ESRRB: variants seen among roughly 807,000 people sequenced by gnomAD.
The protein encoded by ESRRB is estrogen related receptor beta, also known as steroid hormone receptor ERR2.
ESRRB carries 16 observed loss-of-function variants against 46.0 expected under a neutral mutation model. The observed-to-expected ratio is 0.35, with a 90% CI of 0.24 to 0.53. ESRRB has a LOEUF of 0.53. ESRRB is among the 20% of genes least tolerant of loss of function. The pLI is 0.93. For missense variants in ESRRB, 488 were observed against 607.4 expected (o/e 0.80, Z 2.07); for synonymous variants, 246 against 259.6 (o/e 0.95, Z 0.50).
At chr14:76,401,528 C>T (rs1464647454) in intron 1 of ESRRB, among the ~76,000 whole-genome samples, 1 of 152,228 alleles carries the variant, frequency 6.6e-6, no homozygotes, top group African/African-American at 2.4e-5. Context: ...CACATAATGA[C>T]ATTTCAGTTA....
chr14:76,477,719 A>G (rs1390997588), intron 3 of ESRRB, among the ~76,000 whole-genome samples: 3 of 151,928 alleles, frequency 2.0e-5, no homozygotes, highest in African/African-American at 7.2e-5. Context: ...CAGTTTGTGC[A>G]TAATTAAACC....
intron 1 of ESRRB, among the ~76,000 whole-genome samples, chr14:76,330,344 A>G (rs987254381): frequency 6.6e-6 from 1 of 152,196 alleles, no homozygotes; most frequent in Non-Finnish European, 1.5e-5. Context: ...CGCCTGACAC[A>G]GTGGCAGAGG....
intron 1 of ESRRB, among the ~76,000 whole-genome samples, chr14:76,392,267 G>A (rs1457005892): frequency 6.6e-6 from 1 of 152,222 alleles, no homozygotes; most frequent in East Asian, 1.9e-4. Flanking sequence ...AGCCCTGGCA[G>A]GCAGGGGCAT....
chr14:76,400,266 G>A (rs1371188680), intron 1 of ESRRB, among the ~76,000 whole-genome samples: 1 of 152,158 alleles, frequency 6.6e-6, no homozygotes, highest in Non-Finnish European at 1.5e-5. Flanking sequence ...AGCCATTCTG[G>A]GAAAGGTAGA....
At chr14:76,348,919 G>T (rs1270846665) in intron 1 of ESRRB, among the ~76,000 whole-genome samples, 3 of 152,052 alleles carry the variant, frequency 2.0e-5, no homozygotes, top group Non-Finnish European at 4.4e-5. Flanking sequence ...GGCCTGTAGG[G>T]CATATAGCAT....
At chr14:76,492,309 A>T (rs1017786780) in intron 6 of ESRRB, among the ~76,000 whole-genome samples, 9 of 152,162 alleles carry the variant, frequency 5.9e-5, no homozygotes, top group African/African-American at 2.2e-4. Flanking sequence ...AACTACAGGC[A>T]TGTGCCATTA....
intron 1 of ESRRB, among the ~76,000 whole-genome samples, chr14:76,319,157 C>T (rs1566850020): frequency 6.6e-6 from 1 of 152,218 alleles, no homozygotes; most frequent in African/African-American, 2.4e-5. Context: ...CATGGCTTGT[C>T]TTTGCTGTCC....
chr14:76,346,534 A>C (rs1884252523), intron 1 of ESRRB, among the ~76,000 whole-genome samples: 1 of 152,220 alleles, frequency 6.6e-6, no homozygotes, highest in South Asian at 2.1e-4. Flanking sequence ...CCCTGGGGCT[A>C]GGCCTCAAGA....
intron 1 of ESRRB, among the ~76,000 whole-genome samples, chr14:76,429,508 T>G (rs1269664078): frequency 1.3e-5 from 2 of 152,056 alleles, no homozygotes; most frequent in Admixed American, 1.3e-4. Flanking sequence ...CCCAGCACTT[T>G]GGGAGGCCAA....
At chr14:76,440,295 A>C (rs1433387675) in intron 2 of ESRRB, among the ~76,000 whole-genome samples, 1 of 151,954 alleles carries the variant, frequency 6.6e-6, no homozygotes, top group Non-Finnish European at 1.5e-5. Context: ...GTAAGACCCC[A>C]TCATTATTAT....
intron 3 of ESRRB, among the ~76,000 whole-genome samples, chr14:76,476,032 A>G (rs894351015): frequency 1.3e-5 from 2 of 152,082 alleles, no homozygotes; most frequent in African/African-American, 4.8e-5. Context: ...TGACATTGAT[A>G]TGGTCAAGAT....
chr14:76,484,023 T>C (rs1194224029), intron 5 of ESRRB, among the ~76,000 whole-genome samples: 1 of 152,050 alleles, frequency 6.6e-6, no homozygotes, highest in African/African-American at 2.4e-5. Flanking sequence ...CCAGCTAATT[T>C]TTTTGTATTT....
intron 1 of ESRRB, among the ~76,000 whole-genome samples, chr14:76,334,719 C>T (rs928500695): frequency 2.0e-5 from 3 of 152,164 alleles, no homozygotes; most frequent in Non-Finnish European, 2.9e-5. Context: ...TGTGGCCCAG[C>T]CTCTGACCCT....
At chr14:76,337,806 C>T (rs1166956349) in intron 1 of ESRRB, among the ~76,000 whole-genome samples, 1 of 152,194 alleles carries the variant, frequency 6.6e-6, no homozygotes, top group African/African-American at 2.4e-5. Context: ...CTCCTTTGCC[C>T]AATCCTACTC....
At chr14:76,428,466 C>T (rs938762713) in intron 1 of ESRRB, among the ~76,000 whole-genome samples, 3 of 152,170 alleles carry the variant, frequency 2.0e-5, no homozygotes, top group Non-Finnish European at 2.9e-5. Context: ...ATGTCCTTCC[C>T]TCAAACACAC....
In ESRRB at chr14:76,498,641, G is replaced by A. The variant is rs1290373716; in HGVS notation, c.*183G>A. 4.3e-5 allele frequency: 51 copies of A among 1,192,180 alleles called. No homozygotes were observed. The highest frequency in any genetic ancestry group is 3.2e-4 in the Middle Eastern group (1 of 3,172). The allele number at this position is 1,192,180 out of a possible 1,614,324, so 73.9% of individuals were successfully genotyped here. A position where few individuals can be genotyped will look rare whatever the true frequency, so the allele number is the denominator to read the frequency against. Reference sequence around the variant, plus strand: ...TCCCGGGTGCAGTGGGGTGGGGGACGGGGATGGGGGGGCAGGGGTGTGGGG... The same window carrying A: ...TCCCGGGTGCAGTGGGGTGGGGGACAGGGATGGGGGGGCAGGGGTGTGGGG... On this transcript the variant is annotated 3_prime_UTR_variant, in exon 7 of 7. Coordinates refer to ENST00000644823, the MANE Select transcript of ESRRB (RefSeq NM_001379180.1).
chr14:76,326,449 T>C (rs974923965), intron 1 of ESRRB, among the ~76,000 whole-genome samples: 1 of 152,160 alleles, frequency 6.6e-6, no homozygotes, highest in Non-Finnish European at 1.5e-5. Flanking sequence ...GCACTTCAGT[T>C]TTCTTGTCTG....
rs547201841 is a variant in ESRRB, at chr14:76,462,079, C to G, written c.461-466C>G. On this transcript the variant is annotated intron_variant, in intron 2 of 6. Coordinates refer to ENST00000644823, the MANE Select transcript of ESRRB (RefSeq NM_001379180.1). The stretch of plus-strand genomic sequence containing the variant: ...GGCCCCTCCAGTGGGATGCAGAACC[C>G]GGGCCTTGATCCTGGTGGACGCAGA... 4.3e-4 allele frequency among the ~76,000 whole-genome samples: 65 copies of G among 152,294 alleles called. No individual in the cohort carries two copies. In the South Asian group the frequency reaches 7.0e-3, roughly 16 times the overall value.
In ESRRB at chr14:76,499,153, C is replaced by A; in HGVS notation, c.*695C>A. On this transcript the variant is annotated 3_prime_UTR_variant, in exon 7 of 7. Coordinates refer to ENST00000644823, the MANE Select transcript of ESRRB (RefSeq NM_001379180.1). Reference sequence around the variant, plus strand: ...CCTGTCCTCCTCCTCTTCTCCTCCCCCCGGGAGTCCCCCGCTACTTCCTGA... The same window carrying A: ...CCTGTCCTCCTCCTCTTCTCCTCCCACCGGGAGTCCCCCGCTACTTCCTGA... 3.2e-6 allele frequency: 1 copy of A among 313,558 alleles called. No individual in the cohort carries two copies. Among genetic ancestry groups the A allele is most frequent in the Non-Finnish European group, 6.2e-6 (1 of 161,214 alleles). The allele number at this position is 313,558 out of a possible 1,614,324, so 19.4% of individuals were successfully genotyped here. A position where few individuals can be genotyped will look rare whatever the true frequency, so the allele number is the denominator to read the frequency against.
Sources: gnomAD v4.1 joint callset for allele counts (sites outside exome capture counted in the v4.1 genomes callset) on GRCh38, gnomAD v4.1.1 for gene constraint, MANE v1.5 for transcripts, NCBI Gene and HGNC (gene_info 2026-07-23, HGNC 2026-07-21) for gene names.